Variants in CAMKMT observed in about 807,000 individuals in gnomAD.
CAMKMT encodes calmodulin-lysine N-methyltransferase.
In CAMKMT, 53 loss-of-function variants were observed where a neutral mutation model predicts 48.0. The observed-to-expected ratio is 1.10, with a 90% CI of 0.89 to 1.39. The LOEUF is 1.39. CAMKMT is among the 40% of genes most tolerant of loss of function. The probability of loss-of-function intolerance (pLI) is 0.00; values close to 1 mark genes in which losing one functional copy is unlikely to be tolerated. For synonymous variants in CAMKMT, 165 were observed against 152.3 expected (o/e 1.08, Z -0.61); for missense variants, 428 against 402.7 (o/e 1.06, Z -0.54).
chr2:44,648,945 C>A (rs529581824), intron 3 of CAMKMT, among the ~76,000 whole-genome samples: 1 of 152,292 alleles, frequency 6.6e-6, no homozygotes, highest in South Asian at 2.1e-4. Flanking sequence ...TAAACCCTTT[C>A]TTTATAAAAA....
intron 7 of CAMKMT, among the ~76,000 whole-genome samples, chr2:44,725,817 G>T (rs550714099): frequency 1.3e-5 from 2 of 152,156 alleles, no homozygotes; most frequent in Middle Eastern, 3.4e-3. Flanking sequence ...GGACTTCTAA[G>T]GTTCCAAGAG....
chr2:44,620,554 C>G (rs1022206877), intron 3 of CAMKMT, among the ~76,000 whole-genome samples: 1 of 152,164 alleles, frequency 6.6e-6, no homozygotes, highest in African/African-American at 2.4e-5. Context: ...TTACCCATTC[C>G]CCATTGAAAC....
At chr2:44,533,343 A>T (rs753882899) in intron 3 of CAMKMT, among the ~76,000 whole-genome samples, 1 of 151,570 alleles carries the variant, frequency 6.6e-6, no homozygotes, top group Non-Finnish European at 1.5e-5. Flanking sequence ...GGTTCAAGCA[A>T]TTCTCCTGCC....
rs1357339099 is a variant in CAMKMT at position 44,397,548 on chromosome 2, T to G, written c.376+7243T>G. ...CCCTAGCCATGTGTCTCCAACTTCTTAGCTCCACAGTTGTCAGGACGGTTT... is the reference window on the plus strand; with the variant it reads ...CCCTAGCCATGTGTCTCCAACTTCTGAGCTCCACAGTTGTCAGGACGGTTT... On this transcript the variant is annotated intron_variant, in intron 3 of 10. Transcript: ENST00000378494. 2.0e-5 allele frequency among the ~76,000 whole-genome samples: 3 copies of G among 152,176 alleles called. No homozygotes were observed. The East Asian group carries it at 5.8e-4, about 29-fold the overall frequency.
chr2:44,364,102 G>A (rs746055589), intron 1 of CAMKMT, among the ~76,000 whole-genome samples: 1 of 136,672 alleles, frequency 7.3e-6, no homozygotes, highest in Non-Finnish European at 1.5e-5. Context: ...TCCCACCTCA[G>A]CCTCCTGAGT....
At chr2:44,518,057 C>T (rs1213811577) in intron 3 of CAMKMT, among the ~76,000 whole-genome samples, 8 of 151,724 alleles carry the variant, frequency 5.3e-5, no homozygotes, top group South Asian at 2.1e-4. Flanking sequence ...GCTTAGGGGG[C>T]GGGGATAGTG....
intron 3 of CAMKMT, among the ~76,000 whole-genome samples, chr2:44,565,650 C>T (rs1002231243): frequency 6.6e-6 from 1 of 151,806 alleles, no homozygotes; most frequent in Non-Finnish European, 1.5e-5. Flanking sequence ...CTGGATCCTA[C>T]TCAGAGAATC....
intron 3 of CAMKMT, among the ~76,000 whole-genome samples, chr2:44,665,162 C>T (rs1674893980): frequency 6.6e-6 from 1 of 152,126 alleles, no homozygotes; most frequent in Admixed American, 6.5e-5. Flanking sequence ...CCTCTGCCTC[C>T]CGGGTTCAAG....
chr2:44,431,701 C>G (rs1431088713), intron 3 of CAMKMT, among the ~76,000 whole-genome samples: 1 of 152,134 alleles, frequency 6.6e-6, no homozygotes, highest in Non-Finnish European at 1.5e-5. Flanking sequence ...TTCTAGGCTC[C>G]TCTCACATTC....
intron 3 of CAMKMT, among the ~76,000 whole-genome samples, chr2:44,595,485 G>C (rs986648532): frequency 1.3e-5 from 2 of 152,114 alleles, no homozygotes; most frequent in African/African-American, 4.8e-5. Context: ...ACTGCTCAAG[G>C]AAATAAAAGA....
chr2:44,692,332 G>A (rs1676702345), intron 3 of CAMKMT, among the ~76,000 whole-genome samples: 1 of 151,932 alleles, frequency 6.6e-6, no homozygotes, highest in African/African-American at 2.4e-5. Flanking sequence ...AATCCCCACA[G>A]CACCCCATGA....
intron 3 of CAMKMT, among the ~76,000 whole-genome samples, chr2:44,521,196 TG>T (rs1671088968): frequency 6.6e-6 from 1 of 152,230 alleles, no homozygotes; most frequent in Non-Finnish European, 1.5e-5. Context: ...TTAGATGCTC[TG>T]CTCATGGTAA....
chr2:44,518,977 G>A (rs1041537173), intron 3 of CAMKMT, among the ~76,000 whole-genome samples: 1 of 152,176 alleles, frequency 6.6e-6, no homozygotes, highest in African/African-American at 2.4e-5. Flanking sequence ...CGTGTTGTCG[G>A]TTCTTATTTT....
intron 3 of CAMKMT, among the ~76,000 whole-genome samples, chr2:44,504,166 T>G (rs1670145683): frequency 2.0e-5 from 3 of 152,048 alleles, no homozygotes; most frequent in Non-Finnish European, 4.4e-5. Context: ...TTCAACATAT[T>G]AATTTTGAGG....
intron 3 of CAMKMT, among the ~76,000 whole-genome samples, chr2:44,655,448 A>G (rs1035204033): frequency 2.0e-5 from 3 of 152,214 alleles, no homozygotes; most frequent in African/African-American, 7.2e-5. Context: ...ATGTCATTGG[A>G]CCATGAACTA....
At chr2:44,511,972 A>G (rs1331703297) in intron 3 of CAMKMT, among the ~76,000 whole-genome samples, 1 of 152,152 alleles carries the variant, frequency 6.6e-6, no homozygotes, top group Non-Finnish European at 1.5e-5. Flanking sequence ...GCTCCTTGTA[A>G]TTTCAGACTT....
chr2:44,466,220 A>G (rs1668103867), intron 3 of CAMKMT, among the ~76,000 whole-genome samples: 2 of 152,226 alleles, frequency 1.3e-5, no homozygotes, highest in African/African-American at 4.8e-5. Flanking sequence ...CAACAGCATA[A>G]CACACATTTT....
At chr2:44,693,988 A>T (rs1257079340) in intron 3 of CAMKMT, among the ~76,000 whole-genome samples, 1 of 152,208 alleles carries the variant, frequency 6.6e-6, no homozygotes, top group Non-Finnish European at 1.5e-5. Context: ...TGATCACAGA[A>T]AAGCTGTATG....
At chr2:44,607,869 G>C (rs1191074729) in intron 3 of CAMKMT, among the ~76,000 whole-genome samples, 1 of 151,664 alleles carries the variant, frequency 6.6e-6, no homozygotes, top group Non-Finnish European at 1.5e-5. Flanking sequence ...ATTCAAAAAA[G>C]TAAAGAAAAT....
Sources: gnomAD v4.1 joint callset for allele counts (sites outside exome capture counted in the v4.1 genomes callset) on GRCh38, gnomAD v4.1.1 for gene constraint, MANE v1.5 for transcripts, NCBI Gene and HGNC (gene_info 2026-07-23, HGNC 2026-07-21) for gene names.